Variants in SNX14 observed in about 807,000 individuals in gnomAD.
SNX14 encodes sorting nexin 14.
In SNX14, 93 loss-of-function variants were observed where a neutral mutation model predicts 133.8. The ratio of observed to expected loss-of-function variants is 0.70; its 90% CI spans 0.59 to 0.83. The LOEUF is 0.83. SNX14 is among the 40% of genes least tolerant of loss of function. The pLI is 0.00. For synonymous variants in SNX14, 368 were observed against 365.6 expected (o/e 1.01, Z -0.07); for missense variants, 945 against 1,094.9 (o/e 0.86, Z 1.93).
chr6:85,529,689 A>G (rs1779636434), intron 19 of SNX14, among the ~76,000 whole-genome samples: 1 of 152,212 alleles, frequency 6.6e-6, no homozygotes, highest in South Asian at 2.1e-4. Context: ...CTTTGCTCTT[A>G]CAGCAGGGAC....
intron 6 of SNX14, chr6:85,561,277 G>A (rs1791485528): frequency 6.6e-6 from 1 of 151,080 alleles, no homozygotes; most frequent in South Asian, 2.1e-4. Context: ...GAGCCTGGAA[G>A]GCACAGGTTG....
At chr6:85,573,566 C>T (rs1372132654) in intron 2 of SNX14, among the ~76,000 whole-genome samples, 1 of 152,220 alleles carries the variant, frequency 6.6e-6, no homozygotes, top group African/African-American at 2.4e-5. Flanking sequence ...AGACTCACCA[C>T]ATTACCACCC....
At chr6:85,564,678 G>A (rs1793120792) in intron 6 of SNX14, among the ~76,000 whole-genome samples, 1 of 152,000 alleles carries the variant, frequency 6.6e-6, no homozygotes, top group Non-Finnish European at 1.5e-5. Flanking sequence ...AAATACACAT[G>A]GTATAGGATA....
At position 85,528,365 on chromosome 6, in the gene SNX14, G is replaced by A. The variant is rs1779131977; in HGVS notation, c.1895-3C>T. 3.7e-6 allele frequency: 6 copies of A among 1,604,308 alleles called. No individual in the cohort carries two copies. In the South Asian group the frequency reaches 6.6e-5, roughly 18 times the overall value. ...AAGCTGGGCATCAGGAAATGCACCT[G>A]AAATTAGTATATATTATAGTTATTA... is the stretch of plus-strand genomic sequence containing the variant. On this transcript the variant is annotated splice_polypyrimidine_tract_variant and splice_region_variant and intron_variant, in intron 19 of 28. Transcript: ENST00000314673.
At chr6:85,510,294 G>A (rs758311444) in intron 26 of SNX14, among the ~76,000 whole-genome samples, 12 of 152,170 alleles carry the variant, frequency 7.9e-5, no homozygotes, top group Non-Finnish European at 1.5e-4. Context: ...CCAGCAAATG[G>A]TGGTGTTGGT....
chr6:85,585,562 GA>G (rs1800559324), intron 1 of SNX14, among the ~76,000 whole-genome samples: 1 of 152,090 alleles, frequency 6.6e-6, no homozygotes, highest in African/African-American at 2.4e-5. Flanking sequence ...CTAGTTCTTT[GA>G]AAAAATTAAT....
At chr6:85,586,469 T>C (rs1442825719) in intron 1 of SNX14, among the ~76,000 whole-genome samples, 1 of 152,258 alleles carries the variant, frequency 6.6e-6, no homozygotes. Flanking sequence ...AACTGCACTA[T>C]ATATTTTTAC....
chr6:85,579,080 G>A lies in SNX14; in HGVS notation c.141-4702C>T, dbSNP rs187032006. 2.1e-3 allele frequency among the ~76,000 whole-genome samples: 323 copies of A among 152,138 alleles called. 1 individual carries two copies. The highest frequency in any genetic ancestry group is 3.5e-3 in the Non-Finnish European group (241 of 68,008). On this transcript the variant is annotated intron_variant, in intron 1 of 28. Transcript: ENST00000314673. ...TTGAACCCAGGAGGCAGAAGTTGCA[G>A]TGAGCCGAGATCACGCCACTATACT...
intron 26 of SNX14, among the ~76,000 whole-genome samples, chr6:85,513,474 C>A (rs988501888): frequency 1.3e-5 from 2 of 152,224 alleles, no homozygotes; most frequent in African/African-American, 4.8e-5. Context: ...TTATCATACA[C>A]ACTAGTGAGC....
intron 9 of SNX14, 134 bp downstream of exon 9, chr6:85,548,167 T>G: frequency 1.6e-6 from 1 of 630,410 alleles, no homozygotes; most frequent in Non-Finnish European, 2.8e-6. Flanking sequence ...GTTCTGGAGA[T>G]GGGGAATGGG....
In SNX14 at chr6:85,593,569, G is replaced by C. The variant is rs781579363; in HGVS notation, c.140+10C>G. 47 of 1,605,228 alleles carry C rather than the reference G, an allele frequency of 2.9e-5. No homozygotes were observed. The highest frequency in any genetic ancestry group is 4.0e-5 in the Non-Finnish European group (47 of 1,176,200). ...AAAGCCGCCGCCCAGGCTCCGCGCT[G>C]CGGCGTTACCTGTTAAGAAGCAGGG... On this transcript the variant is annotated intron_variant, in intron 1 of 28. Transcript: ENST00000314673.
chr6:85,556,540 T>G (rs1789866986), intron 7 of SNX14, among the ~76,000 whole-genome samples: 1 of 151,166 alleles, frequency 6.6e-6, no homozygotes, highest in South Asian at 2.1e-4. Context: ...GCATGATTTC[T>G]GCCCACCACA....
At position 85,530,336 on chromosome 6, in the gene SNX14, T is replaced by C. The variant is rs887425042; in HGVS notation, c.1811-61A>G. 32 of 1,097,224 alleles carry C rather than the reference T, an allele frequency of 2.9e-5. No homozygotes were observed. In the African/African-American group the frequency reaches 3.9e-4, roughly 13 times the overall value. 68.0% of individuals were successfully genotyped at this position (1,097,224 alleles called of 1,614,324 possible). ...AATTTCAAAACCTAAAAGAATGCCA[T>C]ATTTAAAACATTAAGAATACAAAGC... On this transcript the variant is annotated intron_variant, in intron 18 of 28. Transcript: ENST00000314673.
intron 12 of SNX14, among the ~76,000 whole-genome samples, chr6:85,546,372 C>A (rs1044660761): frequency 6.6e-6 from 1 of 152,052 alleles, no homozygotes; most frequent in Admixed American, 6.6e-5. Context: ...GCATTAAAAA[C>A]AATATTTTCA....
intron 23 of SNX14, among the ~76,000 whole-genome samples, chr6:85,517,372 G>GT: frequency 6.6e-6 from 1 of 152,298 alleles, no homozygotes; most frequent in East Asian, 1.9e-4. Flanking sequence ...TAAAATGTTT[G>GT]TTTAATGAAT....
intron 6 of SNX14, among the ~76,000 whole-genome samples, chr6:85,563,765 CT>C (rs1792684783): frequency 6.6e-6 from 1 of 152,060 alleles, no homozygotes; most frequent in Non-Finnish European, 1.5e-5. Context: ...TGGAACATGA[CT>C]TTTTTCTTTT....
chr6:85,516,744 T>C (rs1004771410), intron 23 of SNX14, among the ~76,000 whole-genome samples: 1 of 148,228 alleles, frequency 6.7e-6, no homozygotes, highest in Admixed American at 6.8e-5. Context: ...TTCAAGCGAC[T>C]CTCCTGCCTC....
chr6:85,551,076 T>C (rs1787670651), intron 7 of SNX14, among the ~76,000 whole-genome samples: 4 of 152,190 alleles, frequency 2.6e-5, no homozygotes, highest in Admixed American at 2.6e-4. Flanking sequence ...CCACTGCGCC[T>C]GGCCTCAGAA....
At chr6:85,514,449 G>A in intron 24 of SNX14, 57 bp downstream of exon 24, 1 of 1,580,758 alleles carries the variant, frequency 6.3e-7, no homozygotes, top group Non-Finnish European at 8.6e-7. Flanking sequence ...ATCATTATTT[G>A]CATCACAGAA....
Sources: allele counts gnomAD v4.1 joint callset (sites outside exome capture counted in the v4.1 genomes callset), GRCh38; gene constraint gnomAD v4.1.1; transcripts MANE v1.5; gene names NCBI Gene and HGNC (gene_info 2026-07-23, HGNC 2026-07-21).